Variants in MAML3 observed in about 807,000 individuals in gnomAD.
MAML3 encodes the protein mastermind-like protein 3.
Under a neutral mutation model 101.9 loss-of-function variants are expected in MAML3, and 27 were observed. The observed-to-expected ratio is 0.27, with a 90% CI of 0.20 to 0.37. The LOEUF (loss-of-function observed/expected upper bound fraction) is 0.37, where lower values mean the gene tolerates loss of function less well. Ranked by LOEUF, MAML3 falls within the 10% of genes least tolerant of loss-of-function variation. MAML3 has a pLI of 1.00. For synonymous variants in MAML3, 501 were observed against 555.9 expected (o/e 0.90, Z 1.39); for missense variants, 1,316 against 1,444.9 (o/e 0.91, Z 1.45).
chr4:140,022,610 CTAGAAATAGCAAAAT>C (rs1478483649), intron 1 of MAML3, among the ~76,000 whole-genome samples: 3 of 152,262 alleles, frequency 2.0e-5, no homozygotes, highest in African/African-American at 7.2e-5. Flanking sequence ...TAACTTGGTT[CTAGAAATAGCAAAAT>C]GTGTGTAGGC....
chr4:140,096,695 T>G (rs954703410), intron 1 of MAML3, among the ~76,000 whole-genome samples: 1 of 152,064 alleles, frequency 6.6e-6, no homozygotes, highest in Admixed American at 6.5e-5. Flanking sequence ...ACAAAGTACA[T>G]AGTAGTCTTG....
chr4:140,035,635 A>C (rs1726973152), intron 1 of MAML3, among the ~76,000 whole-genome samples: 1 of 152,150 alleles, frequency 6.6e-6, no homozygotes, highest in African/African-American at 2.4e-5. Context: ...TCTACTAAAA[A>C]TACAAAAATT....
chr4:139,994,786 G>GTGTGTGTGTGTGTGTGTGT (rs1553968047), intron 1 of MAML3, among the ~76,000 whole-genome samples: 6 of 150,220 alleles, frequency 4.0e-5, no homozygotes, highest in African/African-American at 1.5e-4. Flanking sequence ...GCTGGTGGGG[G>GTGTGTGTGTGTGTGTGTGT]GTGTGTGTGT....
At chr4:139,754,573 T>C (rs999892908) in intron 2 of MAML3, among the ~76,000 whole-genome samples, 51 of 152,260 alleles carry the variant, frequency 3.3e-4, no homozygotes, top group Admixed American at 3.3e-3. Flanking sequence ...TAAACTTTTA[T>C]GTATATCTCT....
chr4:139,856,085 A>C (rs1731656692), intron 2 of MAML3, among the ~76,000 whole-genome samples: 1 of 152,184 alleles, frequency 6.6e-6, no homozygotes, highest in Non-Finnish European at 1.5e-5. Context: ...TATCTCCACA[A>C]GAGACTAAAA....
At chr4:139,998,987 C>A (rs554298844) in intron 1 of MAML3, among the ~76,000 whole-genome samples, 4 of 152,116 alleles carry the variant, frequency 2.6e-5, no homozygotes, top group African/African-American at 9.7e-5. Context: ...GATCTATCTG[C>A]GGGTAGAGGT....
At chr4:139,777,618 CT>C (rs1374569779) in intron 2 of MAML3, among the ~76,000 whole-genome samples, 1 of 152,224 alleles carries the variant, frequency 6.6e-6, no homozygotes, top group Admixed American at 6.5e-5. Context: ...CCCTGACTCC[CT>C]GGGTTCAAGC....
chr4:140,007,758 A>C (rs1262981794), intron 1 of MAML3, among the ~76,000 whole-genome samples: 1 of 152,114 alleles, frequency 6.6e-6, no homozygotes, highest in Admixed American at 6.6e-5. Flanking sequence ...CCAGGCTGCA[A>C]TTCTTGACCC....
intron 2 of MAML3, among the ~76,000 whole-genome samples, chr4:139,850,097 T>C (rs937810458): frequency 3.9e-5 from 6 of 152,280 alleles, no homozygotes; most frequent in Non-Finnish European, 8.8e-5. Context: ...CAATTCAGTA[T>C]ATTTCCCCCC....
intron 1 of MAML3, among the ~76,000 whole-genome samples, chr4:139,961,996 G>T (rs1734023382): frequency 1.3e-5 from 2 of 152,076 alleles, no homozygotes; most frequent in South Asian, 4.2e-4. Flanking sequence ...TGTGCCTGTG[G>T]TCCCAGCTAC....
chr4:139,860,594 C>T (rs1316748975), intron 2 of MAML3, among the ~76,000 whole-genome samples: 1 of 152,238 alleles, frequency 6.6e-6, no homozygotes, highest in African/African-American at 2.4e-5. Flanking sequence ...CACCGTCCTG[C>T]ACCCACTTAG....
chr4:139,857,262 G>A (rs961622257), intron 2 of MAML3, among the ~76,000 whole-genome samples: 5 of 152,190 alleles, frequency 3.3e-5, no homozygotes, highest in Admixed American at 3.3e-4. Flanking sequence ...CCAGCCAAGC[G>A]GAAGGTCTGT....
At chr4:140,124,212 T>G (rs2111029878) in intron 1 of MAML3, among the ~76,000 whole-genome samples, 1 of 152,298 alleles carries the variant, frequency 6.6e-6, no homozygotes, top group South Asian at 2.1e-4. Flanking sequence ...GAACATCTAG[T>G]CTCAATCCAC....
chr4:139,963,884 G>C (rs1734074592), intron 1 of MAML3, among the ~76,000 whole-genome samples: 1 of 152,164 alleles, frequency 6.6e-6, no homozygotes, highest in Non-Finnish European at 1.5e-5. Flanking sequence ...TTTAAGAGAT[G>C]ATGATGGCTA....
At chr4:140,108,120 C>T (rs527425514) in intron 1 of MAML3, among the ~76,000 whole-genome samples, 1 of 152,108 alleles carries the variant, frequency 6.6e-6, no homozygotes, top group Non-Finnish European at 1.5e-5. Flanking sequence ...TCCCCATCCT[C>T]TATCCCTCCC....
intron 2 of MAML3, among the ~76,000 whole-genome samples, chr4:139,804,269 A>ATT (rs57217528): frequency 3.8e-4 from 56 of 146,804 alleles, no homozygotes; most frequent in African/African-American, 8.0e-4. Flanking sequence ...CTCACTAAGG[A>ATT]TTTTTTTTTT....
chr4:139,765,505 A>ATAATC (rs1234993813), intron 2 of MAML3, among the ~76,000 whole-genome samples: 1 of 152,266 alleles, frequency 6.6e-6, no homozygotes, highest in African/African-American at 2.4e-5. Flanking sequence ...ACATAGGCTA[A>ATAATC]AGGATTCCAA....
At chr4:139,762,340 T>C (rs565036860) in intron 2 of MAML3, among the ~76,000 whole-genome samples, 14 of 152,296 alleles carry the variant, frequency 9.2e-5, no homozygotes, top group Non-Finnish European at 1.3e-4. Context: ...GTGCTATATG[T>C]AGCATGCTTA....
chr4:140,079,111 C>T (rs947589812), intron 1 of MAML3, among the ~76,000 whole-genome samples: 2 of 152,056 alleles, frequency 1.3e-5, no homozygotes, highest in African/African-American at 2.4e-5. Flanking sequence ...ATACAGTGCC[C>T]ACCACTGGTA....
Sources: gnomAD v4.1 joint callset for allele counts (sites outside exome capture counted in the v4.1 genomes callset) on GRCh38, gnomAD v4.1.1 for gene constraint, MANE v1.5 for transcripts, NCBI Gene and HGNC (gene_info 2026-07-23, HGNC 2026-07-21) for gene names.